The following COQ4 variants were observed in gnomAD, a reference collection of about 807,000 sequenced individuals.
COQ4 encodes ubiquinone biosynthesis protein COQ4 homolog, mitochondrial.
COQ4 carries 36 observed loss-of-function variants against 30.2 expected under a neutral mutation model. The ratio of observed to expected loss-of-function variants is 1.19; its 90% CI spans 0.91 to 1.57. COQ4 has a LOEUF of 1.57. Among genes scored for constraint, COQ4 ranks in the 40% most tolerant of loss-of-function variants. COQ4 has a pLI of 0.00. For synonymous variants in COQ4, 197 were observed against 161.0 expected (o/e 1.22, Z -1.69); for missense variants, 369 against 371.9 (o/e 0.99, Z 0.07).
intron 4 of COQ4, among the ~76,000 whole-genome samples, chr9:128,330,039 G>C (rs1304081441): frequency 1.3e-5 from 2 of 152,142 alleles, no homozygotes. Context: ...TCCTGCCCTT[G>C]TGTAGCAGAC....
chr9:128,325,896 C>T lies in COQ4; in HGVS notation c.402+15C>T. Reference sequence around the variant, plus strand: ...TGGATGTGAACGTGAGTTTTCAGCTCCTGTGTATCTGGCAGTCACCAGACA... The same window carrying T: ...TGGATGTGAACGTGAGTTTTCAGCTTCTGTGTATCTGGCAGTCACCAGACA... On this transcript the variant is annotated intron_variant, in intron 4 of 6. Coordinates refer to ENST00000300452, the MANE Select transcript of COQ4 (RefSeq NM_016035.5). 6.2e-7 allele frequency: 1 copy of T among 1,606,278 alleles called. No individual in the cohort carries two copies.
In COQ4 at chr9:128,326,122, C is replaced by T. The variant is rs1832316377; in HGVS notation, c.402+241C>T. On this transcript the variant is annotated intron_variant, in intron 4 of 6. Transcript: ENST00000300452. ...ACTGCATGCCTGATGCCAGCCTCATCCGTGATCTTGCTGAATCCCCCCACA... is the reference window on the plus strand; with the variant it reads ...ACTGCATGCCTGATGCCAGCCTCATTCGTGATCTTGCTGAATCCCCCCACA... 1.0e-5 allele frequency: 6 copies of T among 575,268 alleles called. No homozygotes were observed. In the South Asian group the frequency reaches 1.1e-4, roughly 10 times the overall value. 35.6% of individuals were successfully genotyped at this position (575,268 alleles called of 1,614,324 possible). A position where few individuals can be genotyped will look rare whatever the true frequency, so the allele number is the denominator to read the frequency against.
chr9:128,327,550 A>G (rs1304248486), intron 4 of COQ4, among the ~76,000 whole-genome samples: 1 of 152,156 alleles, frequency 6.6e-6, no homozygotes, highest in African/African-American at 2.4e-5. Flanking sequence ...CTGTAATCCT[A>G]ATACTTTGGG....
intron 4 of COQ4, among the ~76,000 whole-genome samples, chr9:128,329,556 G>C (rs774577448): frequency 6.6e-6 from 1 of 152,092 alleles, no homozygotes; most frequent in African/African-American, 2.4e-5. Flanking sequence ...TTTTAGTATA[G>C]GCGGGATTTC....
chr9:128,327,890 C>T (rs539673589), intron 4 of COQ4, among the ~76,000 whole-genome samples: 1 of 152,370 alleles, frequency 6.6e-6, no homozygotes, highest in East Asian at 1.9e-4. Context: ...GTGGAACTTA[C>T]ATTCTAGCAG....
intron 4 of COQ4, among the ~76,000 whole-genome samples, chr9:128,326,885 A>T (rs1344836423): frequency 1.3e-5 from 2 of 152,094 alleles, no homozygotes; most frequent in African/African-American, 4.8e-5. Flanking sequence ...CGTAGCTGGG[A>T]CTACAGGTGC....
chr9:128,325,954 A>C lies in COQ4; in HGVS notation c.402+73A>C, dbSNP rs763229684. 8 of 1,304,314 alleles carry C rather than the reference A, an allele frequency of 6.1e-6. No individual in the cohort carries two copies. The Admixed American group carries it at 7.1e-5, about 12-fold the overall frequency. 80.8% of individuals were successfully genotyped at this position (1,304,314 alleles called of 1,614,324 possible). A position where few individuals can be genotyped will look rare whatever the true frequency, so the allele number is the denominator to read the frequency against. ...GGAATAGCACAGGCATGACACCCTG[A>C]GGAAAGAGGAGCCCTGAGCTGCCAC... On this transcript the variant is annotated intron_variant, in intron 4 of 6. Transcript: ENST00000300452.
intron 5 of COQ4, chr9:128,332,642 T>C (rs1205034506): frequency 3.3e-6 from 2 of 602,080 alleles, no homozygotes; most frequent in African/African-American, 1.9e-5. Flanking sequence ...CCAGGCTTCC[T>C]TTCCATCCCC....
At position 128,325,827 on chromosome 9, in the gene COQ4, G is replaced by A. The variant is rs1025159224; in HGVS notation, c.348G>A (p.Gln116=). The A allele has an allele frequency of 6.2e-7, 1 of 1,614,202 alleles. No individual in the cohort carries two copies. Reference sequence around the variant, plus strand: ...CCACCCTCGACCTGGGCAAGCTCCAGAGCCTGCCGGAAGGCTCCCTCGGTC... The same window carrying A: ...CCACCCTCGACCTGGGCAAGCTCCAAAGCCTGCCGGAAGGCTCCCTCGGTC... ...STSTLDLGKL[Q]SLPEGSLGRE... Residue 116 remains glutamine (Q), a synonymous_variant, in exon 4 of 7, where the codon CAG becomes CAA. Transcript: ENST00000300452.
At chr9:128,323,831 C>T (rs1832264437) in intron 2 of COQ4, among the ~76,000 whole-genome samples, 1 of 152,182 alleles carries the variant, frequency 6.6e-6, no homozygotes, top group African/African-American at 2.4e-5. Context: ...TTGCATGCGG[C>T]TGTATTCCCA....
chr9:128,332,239 C>A lies in COQ4; in HGVS notation c.489C>A (p.His163Gln). Residue 163 changes from histidine (H) to glutamine (Q), a missense_variant, in exon 5 of 7, where the codon CAC (histidine) becomes CAA (glutamine). Physicochemically the swap from His to Gln is conservative, Grantham distance 24 (BLOSUM62 0). Coordinates refer to ENST00000300452, the MANE Select transcript of COQ4 (RefSeq NM_016035.5). ...TGATTCAGCGGTACCGGGAGGTGCA[C>A]GACATGCTTCACACCCTGCTGGGGA... ...AYVIQRYREV[H>Q]DMLHTLLGMP... The A allele has an allele frequency of 6.2e-7, 1 of 1,613,374 alleles. No individual in the cohort carries two copies. The highest frequency in any genetic ancestry group is 8.5e-7 in the Non-Finnish European group (1 of 1,179,836).
chr9:128,324,173 T>C (rs768768054), intron 2 of COQ4, among the ~76,000 whole-genome samples: 2 of 152,058 alleles, frequency 1.3e-5, no homozygotes, highest in African/African-American at 2.4e-5. Flanking sequence ...GAGACGGGAT[T>C]TTGCTATGTT....
Position 128,322,897 on chromosome 9 carries a change from C to T in COQ4, c.39C>T (p.Cys13=). ...TLLRPVLRRL[C]GLPGLQRPAA... Reference sequence around the variant, plus strand: ...TGCGCCCTGTCCTCCGTCGGCTCTGCGGGCTCCCGGGCCTACAGCGGCCTG... The same window carrying T: ...TGCGCCCTGTCCTCCGTCGGCTCTGTGGGCTCCCGGGCCTACAGCGGCCTG... The change falls in exon 1 of 7, where the codon TGC becomes TGT. Residue 13 remains cysteine, a synonymous_variant. Coordinates refer to ENST00000300452, the MANE Select transcript of COQ4 (RefSeq NM_016035.5). 2 of 1,592,516 alleles carry T rather than the reference C, an allele frequency of 1.3e-6. No individual in the cohort carries two copies. Among genetic ancestry groups the T allele is most frequent in the Non-Finnish European group, 8.5e-7 (1 of 1,173,834 alleles).
rs201608685 is a variant in COQ4 at position 128,332,956 on chromosome 9, G to A, written c.626+13G>A. 2.5e-6 allele frequency: 4 copies of A among 1,606,168 alleles called. No individual in the cohort carries two copies. The East Asian group carries it at 6.7e-5, about 27-fold the overall frequency. On this transcript the variant is annotated intron_variant, in intron 6 of 6. Transcript: ENST00000300452. ...GACTTGGCGCTCAGTAAGTTTTCAA[G>A]TGGTAGCTGGGTCGGGGTTGAGGGT...
chr9:128,331,388 G>C (rs1832404594), intron 4 of COQ4: 1 of 151,942 alleles, frequency 6.6e-6, no homozygotes, highest in Non-Finnish European at 1.5e-5. Context: ...GAACCCACTT[G>C]GTCTGTAGGT....
Position 128,332,765 on chromosome 9 carries a change from A to G in COQ4, c.533-85A>G, listed in dbSNP as rs915084512. On this transcript the variant is annotated intron_variant, in intron 5 of 6. Transcript: ENST00000300452. The stretch of plus-strand genomic sequence containing the variant: ...GACCCCGTAGAGATTAGGGAGGAAC[A>G]GTGCCTCTCTTTACCCTGCTGTGAG... 2.7e-5 allele frequency: 27 copies of G among 1,010,100 alleles called. No homozygotes were observed. The African/African-American group carries it at 3.2e-4, about 12-fold the overall frequency. 62.6% of individuals were successfully genotyped at this position (1,010,100 alleles called of 1,614,324 possible).
In COQ4 at chr9:128,325,774, T is replaced by C; in HGVS notation, c.300-5T>C. 1 of 1,613,426 alleles carries C rather than the reference T, an allele frequency of 6.2e-7. No homozygotes were observed. The highest frequency in any genetic ancestry group is 8.5e-7 in the Non-Finnish European group (1 of 1,179,428). The stretch of plus-strand genomic sequence containing the variant: ...CCCTCCCAATGCCCAAGTCTTGCCT[T>C]TCAGGGAGCGTCCCCGGATTTCGAC... On this transcript the variant is annotated splice_region_variant and splice_polypyrimidine_tract_variant and intron_variant, in intron 3 of 6. Transcript: ENST00000300452.
chr9:128,323,011 C>A lies in COQ4; in HGVS notation c.71-5C>A. The A allele has an allele frequency of 6.2e-7, 1 of 1,611,440 alleles. No individual in the cohort carries two copies. On this transcript the variant is annotated splice_region_variant and splice_polypyrimidine_tract_variant and intron_variant, in intron 1 of 6. Coordinates refer to ENST00000300452, the MANE Select transcript of COQ4 (RefSeq NM_016035.5). ...TCTGACCTCGGCCTTTTTCTTGCCC[C>A]GCAGAAATGCCCCTCCGGGCTAGGA...
intron 2 of COQ4, chr9:128,323,729 G>A (rs1472327277): frequency 5.8e-6 from 1 of 173,452 alleles, no homozygotes; most frequent in African/African-American, 2.4e-5. Flanking sequence ...GAAGCGGGCA[G>A]ATGGCTTGAG....
Sources: gnomAD v4.1 joint callset for allele counts (sites outside exome capture counted in the v4.1 genomes callset) on GRCh38, gnomAD v4.1.1 for gene constraint, MANE v1.5 for transcripts, NCBI Gene and HGNC (gene_info 2026-07-23, HGNC 2026-07-21) for gene names.